The following TTC7B variants were observed in gnomAD, a reference collection of about 807,000 sequenced individuals.
TTC7B encodes tetratricopeptide repeat protein 7B.
In TTC7B, 28 loss-of-function variants were observed where a neutral mutation model predicts 106.8. That is an observed-to-expected ratio of 0.26 (90% CI 0.19 to 0.36). The LOEUF (loss-of-function observed/expected upper bound fraction) is 0.36. Ranked by LOEUF, TTC7B falls within the 10% of genes least tolerant of loss-of-function variation. The probability of loss-of-function intolerance (pLI) is 1.00; values close to 1 mark genes in which losing one functional copy is unlikely to be tolerated. For synonymous variants in TTC7B, 405 were observed against 430.6 expected (o/e 0.94, Z 0.74); for missense variants, 862 against 1,076.4 (o/e 0.80, Z 2.79).
intron 18 of TTC7B, among the ~76,000 whole-genome samples, chr14:90,592,506 C>A (rs952931829): frequency 1.3e-5 from 2 of 152,176 alleles, no homozygotes; most frequent in South Asian, 2.1e-4. Context: ...GTCAGGAGTT[C>A]GAGACCAGCC....
intron 18 of TTC7B, among the ~76,000 whole-genome samples, chr14:90,587,097 C>A (rs60584801): frequency 0.079 from 12,075 of 152,234 alleles, 560 homozygotes; most frequent in Middle Eastern, 0.11. Flanking sequence ...CCTGCTCTGC[C>A]GGCGTCCACT....
chr14:90,637,118 T>C (rs1884979067), intron 15 of TTC7B, among the ~76,000 whole-genome samples: 1 of 151,966 alleles, frequency 6.6e-6, no homozygotes, highest in Non-Finnish European at 1.5e-5. Flanking sequence ...AAAGGATCCA[T>C]GTAACAGACA....
Position 90,807,287 on chromosome 14 carries a change from C to T in TTC7B, c.121+8888G>A, listed in dbSNP as rs925099516. 5.9e-5 allele frequency among the ~76,000 whole-genome samples: 9 copies of T among 152,172 alleles called. No homozygotes were observed. The highest frequency in any genetic ancestry group is 1.3e-4 in the Admixed American group (2 of 15,276). ...GACCTCTCCAGGCTCCCAGCTGCAC[C>T]CTCTGTGCTTGTAAGCAATGCTGTC... On this transcript the variant is annotated intron_variant, in intron 1 of 19. Transcript: ENST00000328459. The surrounding 1 kb of genome is among the most constrained non-coding windows in gnomAD (Gnocchi z 4.1).
chr14:90,591,173 T>G (rs1891943162), intron 18 of TTC7B, among the ~76,000 whole-genome samples: 1 of 152,100 alleles, frequency 6.6e-6, no homozygotes, highest in Non-Finnish European at 1.5e-5. Flanking sequence ...AAACCCTGTC[T>G]CTTCTAAAAA....
intron 8 of TTC7B, among the ~76,000 whole-genome samples, chr14:90,679,514 G>A (rs1324287638): frequency 2.0e-5 from 3 of 152,146 alleles, no homozygotes; most frequent in Admixed American, 1.3e-4. Flanking sequence ...GGCGGTAAGC[G>A]GTGACAACTA....
At chr14:90,632,393 ATG>A (rs1442307037) in intron 15 of TTC7B, among the ~76,000 whole-genome samples, 1 of 152,122 alleles carries the variant, frequency 6.6e-6, no homozygotes, top group East Asian at 1.9e-4. Context: ...CTCTGAGAGT[ATG>A]TGTGTGTGTG....
At chr14:90,581,920 C>T (rs572804316) in intron 18 of TTC7B, among the ~76,000 whole-genome samples, 50 of 152,194 alleles carry the variant, frequency 3.3e-4, no homozygotes, top group African/African-American at 1.2e-3. Context: ...AGGATCATGA[C>T]GGTAAGGGAA....
chr14:90,789,183 C>T (rs571430264), intron 1 of TTC7B, among the ~76,000 whole-genome samples: 1 of 152,110 alleles, frequency 6.6e-6, no homozygotes, highest in Non-Finnish European at 1.5e-5. Context: ...CTCACTGCAA[C>T]CTTCGCCTGG....
At position 90,744,890 on chromosome 14, in the gene TTC7B, A is replaced by C. The variant is rs1476076777; in HGVS notation, c.478T>G (p.Ser160Ala). The change falls in exon 4 of 20, where the codon TCT becomes GCT. Residue 160 changes from serine to alanine, a missense_variant. By Grantham distance (99) the Ser-to-Ala change is moderately conservative. Transcript: ENST00000328459. Reference sequence around the variant, plus strand: ...CGGTCCACATGGAGATTACTGGTAGAAGAAGAAATAGGCAGCTTCTCCAAA... The same window carrying C: ...CGGTCCACATGGAGATTACTGGTAGCAGAAGAAATAGGCAGCTTCTCCAAA... ...LCLEKLPISS[S>A]TSNLHVDREQ... The C allele has an allele frequency of 1.2e-6, 2 of 1,614,096 alleles. No homozygotes were observed. The highest frequency in any genetic ancestry group is 1.7e-6 in the Non-Finnish European group (2 of 1,180,010).
intron 18 of TTC7B, among the ~76,000 whole-genome samples, chr14:90,581,556 C>A (rs1336201539): frequency 6.6e-6 from 1 of 152,172 alleles, no homozygotes; most frequent in Admixed American, 6.5e-5. Context: ...CCTCTCATTG[C>A]ACGCCTGGCT....
intron 1 of TTC7B, among the ~76,000 whole-genome samples, chr14:90,787,160 A>G (rs1217250883): frequency 2.6e-5 from 4 of 152,324 alleles, no homozygotes; most frequent in East Asian, 1.9e-4. Flanking sequence ...GTTTCTGTCT[A>G]AAAGTCATAA....
intron 5 of TTC7B, among the ~76,000 whole-genome samples, chr14:90,718,201 A>C (rs1347006154): frequency 2.6e-5 from 4 of 152,228 alleles, no homozygotes; most frequent in Non-Finnish European, 5.9e-5. Context: ...TGTTCTCAAC[A>C]ACTAAACCAG....
In TTC7B at chr14:90,534,351, C is replaced by T. The variant is rs1889361961; in HGVS notation, c.*7017G>A. Reference sequence around the variant, plus strand: ...CTCGGCCCATTTTCCTGTGTGGGGTCCTCAGGCCCAGTGCGGCTGCTACTG... The same window carrying T: ...CTCGGCCCATTTTCCTGTGTGGGGTTCTCAGGCCCAGTGCGGCTGCTACTG... On this transcript the variant is annotated 3_prime_UTR_variant, in exon 20 of 20. Transcript: ENST00000328459. 1 of 152,284 alleles carries T rather than the reference C, an allele frequency of 6.6e-6. No homozygotes were observed. The highest frequency in any genetic ancestry group is 1.5e-5 in the Non-Finnish European group (1 of 68,166). 9.4% of individuals were successfully genotyped at this position (152,284 alleles called of 1,614,324 possible). A position where few individuals can be genotyped will look rare whatever the true frequency, so the allele number is the denominator to read the frequency against.
intron 19 of TTC7B, among the ~76,000 whole-genome samples, chr14:90,560,947 C>G (rs114051158): frequency 2.0e-5 from 3 of 152,318 alleles, no homozygotes; most frequent in African/African-American, 7.2e-5. Flanking sequence ...AATTAGAGAG[C>G]CAATTATAAC....
intron 15 of TTC7B, among the ~76,000 whole-genome samples, chr14:90,641,625 A>C (rs1431039350): frequency 6.6e-6 from 1 of 152,232 alleles, no homozygotes; most frequent in Non-Finnish European, 1.5e-5. Flanking sequence ...TTTAAAAAGC[A>C]AACAAGTCAC....
chr14:90,690,031 C>G (rs549686738), intron 6 of TTC7B, among the ~76,000 whole-genome samples: 79 of 152,212 alleles, frequency 5.2e-4, no homozygotes, highest in Non-Finnish European at 9.8e-4. Flanking sequence ...CCCAAGAGCT[C>G]TTATAAATAA....
chr14:90,726,771 G>A (rs1889118904), intron 5 of TTC7B, among the ~76,000 whole-genome samples: 1 of 152,202 alleles, frequency 6.6e-6, no homozygotes, highest in Non-Finnish European at 1.5e-5. Context: ...GGCAATCCTG[G>A]CCCTCTGAGG....
At chr14:90,799,470 A>G (rs2030110525) in intron 1 of TTC7B, among the ~76,000 whole-genome samples, 1 of 152,210 alleles carries the variant, frequency 6.6e-6, no homozygotes. Flanking sequence ...AGAGCTGTGC[A>G]GAGAAAAGAG....
intron 5 of TTC7B, among the ~76,000 whole-genome samples, chr14:90,726,046 C>T (rs1473168264): frequency 1.3e-5 from 2 of 152,222 alleles, no homozygotes; most frequent in Non-Finnish European, 2.9e-5. Context: ...TTCGAGGCTG[C>T]AGTGAGCTAG....
Sources: allele counts gnomAD v4.1 joint callset (sites outside exome capture counted in the v4.1 genomes callset), GRCh38; gene constraint gnomAD v4.1.1; non-coding constraint Gnocchi (gnomAD v3.1); transcripts MANE v1.5; gene names NCBI Gene and HGNC (gene_info 2026-07-23, HGNC 2026-07-21).